The following SIK2 variants were observed in gnomAD, a reference collection of about 807,000 sequenced individuals.
The protein encoded by SIK2 is serine/threonine-protein kinase SIK2.
Under a neutral mutation model 103.2 loss-of-function variants are expected in SIK2, and 29 were observed. The ratio of observed to expected loss-of-function variants is 0.28; its 90% CI spans 0.21 to 0.38. The LOEUF (loss-of-function observed/expected upper bound fraction) is 0.38, where lower values mean the gene tolerates loss of function less well. Among genes scored for constraint, SIK2 ranks in the 10% least tolerant of loss-of-function variants. The pLI is 1.00. For synonymous variants in SIK2, 412 were observed against 446.1 expected, an observed-to-expected ratio of 0.92 and a Z score of 0.96; for missense variants, 879 against 1,171.0, an observed-to-expected ratio of 0.75 and a Z score of 3.64.
At chr11:111,608,780 A>G (rs1447498910) in intron 1 of SIK2, among the ~76,000 whole-genome samples, 1 of 152,124 alleles carries the variant, frequency 6.6e-6, no homozygotes, top group Non-Finnish European at 1.5e-5. Context: ...ATCTTTGTGC[A>G]TGTATCTAAT....
chr11:111,628,223 A>C (rs561328497), intron 3 of SIK2, among the ~76,000 whole-genome samples: 1 of 151,890 alleles, frequency 6.6e-6, no homozygotes, highest in Non-Finnish European at 1.5e-5. Context: ...TTATAAACCA[A>C]CCTTCCTTTC....
intron 3 of SIK2, among the ~76,000 whole-genome samples, chr11:111,674,916 T>C (rs1179000909): frequency 6.6e-6 from 1 of 152,148 alleles, no homozygotes; most frequent in Non-Finnish European, 1.5e-5. Flanking sequence ...CCAGCTAATG[T>C]TTGTATTTTT....
chr11:111,619,696 G>T (rs577044), intron 2 of SIK2, among the ~76,000 whole-genome samples: 92,747 of 152,074 alleles, frequency 0.61, 31,144 homozygotes, highest in East Asian at 0.96. Flanking sequence ...AAAATCAGAT[G>T]TATGACGATG....
At chr11:111,613,046 T>A (rs923845456) in intron 1 of SIK2, among the ~76,000 whole-genome samples, 6 of 151,386 alleles carry the variant, frequency 4.0e-5, no homozygotes, top group African/African-American at 1.5e-4. Flanking sequence ...AAATGTTAAA[T>A]GAGATTTATA....
At chr11:111,666,994 G>C (rs1360448006) in intron 3 of SIK2, among the ~76,000 whole-genome samples, 2 of 147,024 alleles carry the variant, frequency 1.4e-5, no homozygotes, top group Non-Finnish European at 3.0e-5. Flanking sequence ...TTGAGACAGA[G>C]TCTTTTTCTG....
chr11:111,638,659 T>C (rs35645843), intron 3 of SIK2, among the ~76,000 whole-genome samples: 4 of 152,114 alleles, frequency 2.6e-5, no homozygotes, highest in Non-Finnish European at 5.9e-5. Context: ...TATAGTCTCT[T>C]ATCTCTGGGA....
At position 111,638,046 on chromosome 11, in the gene SIK2, G is replaced by A. The variant is rs192556066; in HGVS notation, c.316+17644G>A. Among the ~76,000 whole-genome samples the A allele has an allele frequency of 3.3e-5, 5 of 152,260 alleles. 1 individual carries two copies. The highest frequency in any genetic ancestry group is 1.2e-4 in the African/African-American group (5 of 41,538). ...GTAGAAGGGATTTTTTCACTGCTAG[G>A]GTGATCTGACTGTGTTCTTATATTG... On this transcript the variant is annotated intron_variant, in intron 3 of 14. Transcript: ENST00000304987.
In SIK2 at chr11:111,729,920, T is replaced by C. The variant is rs1393160850; in HGVS notation, c.*5791T>C. ...GATGTCTAGTTTTTCCAAGTTACAA[T>C]ACAGCAGTTTCCTACAGAACACCCC... On this transcript the variant is annotated 3_prime_UTR_variant, in exon 15 of 15. Transcript: ENST00000304987. 1 of 152,194 alleles carries C rather than the reference T, an allele frequency of 6.6e-6. No individual in the cohort carries two copies. Among genetic ancestry groups the C allele is most frequent in the Non-Finnish European group, 1.5e-5 (1 of 68,058 alleles). The allele number at this position is 152,194 out of a possible 1,614,324, so 9.4% of individuals were successfully genotyped here.
chr11:111,723,499 C>G lies in SIK2; in HGVS notation c.2151C>G (p.Leu717=). Residue 717 remains leucine, a synonymous_variant, in exon 15 of 15, where the codon CTC becomes CTG. Transcript: ENST00000304987. ...SLEQQLQEHR[L]QQKRLFLQKQ... Reference sequence around the variant, plus strand: ...TCCTTTGATATTACCAATTTAGGCTCCAGCAGAAGCGACTCTTTCTTCAGA... The same window carrying G: ...TCCTTTGATATTACCAATTTAGGCTGCAGCAGAAGCGACTCTTTCTTCAGA... 6.3e-7 allele frequency: 1 copy of G among 1,595,124 alleles called. No homozygotes were observed. The highest frequency in any genetic ancestry group is 8.6e-7 in the Non-Finnish European group (1 of 1,169,096).
In SIK2 at chr11:111,604,578, A is replaced by T. The variant is rs558064621; in HGVS notation, c.135+1880A>T. ...CGTTTTAAACTAATATATCTTAAAGAGCTAGGGGGCACTATGGAGTAATAC... is the reference window on the plus strand; with the variant it reads ...CGTTTTAAACTAATATATCTTAAAGTGCTAGGGGGCACTATGGAGTAATAC... On this transcript the variant is annotated intron_variant, in intron 1 of 14. Coordinates refer to ENST00000304987, the MANE Select transcript of SIK2 (RefSeq NM_015191.3). Among the ~76,000 whole-genome samples, 41 of 152,290 alleles carry T rather than the reference A, an allele frequency of 2.7e-4. No individual in the cohort carries two copies. In the South Asian group the frequency reaches 7.0e-3, roughly 26 times the overall value.
chr11:111,704,016 A>G (rs1943278467), intron 7 of SIK2, among the ~76,000 whole-genome samples: 1 of 152,242 alleles, frequency 6.6e-6, no homozygotes, highest in Non-Finnish European at 1.5e-5. Context: ...TTACGATAGT[A>G]AAAAAGCAAA....
chr11:111,632,839 A>T (rs1942056847), intron 3 of SIK2, among the ~76,000 whole-genome samples: 1 of 152,166 alleles, frequency 6.6e-6, no homozygotes, highest in Admixed American at 6.5e-5. Flanking sequence ...AACAGTAAAG[A>T]ATAGAAACAG....
intron 1 of SIK2, among the ~76,000 whole-genome samples, chr11:111,613,648 T>G (rs1440532916): frequency 1.3e-5 from 2 of 152,190 alleles, no homozygotes; most frequent in African/African-American, 4.8e-5. Context: ...TATATAATAT[T>G]AATCGTTCTA....
intron 3 of SIK2, among the ~76,000 whole-genome samples, chr11:111,630,355 C>G (rs564086): frequency 0.6 from 91,880 of 151,922 alleles, 31,030 homozygotes; most frequent in East Asian, 0.96. Context: ...AGAGAACTAT[C>G]TTGGGTGATG....
chr11:111,608,262 T>A lies in SIK2; in HGVS notation c.135+5564T>A, dbSNP rs45516896. Among the ~76,000 whole-genome samples, 7 of 152,314 alleles carry A rather than the reference T, an allele frequency of 4.6e-5. No individual in the cohort carries two copies. The South Asian group carries it at 6.2e-4, about 14-fold the overall frequency. ...GGAAATTCCATCAGAAACTTCATTT[T>A]AAAAAAATTTTTAAATACTTTAAAC... On this transcript the variant is annotated intron_variant, in intron 1 of 14. Transcript: ENST00000304987.
chr11:111,704,648 G>A (rs529426956), intron 7 of SIK2, among the ~76,000 whole-genome samples: 3 of 152,274 alleles, frequency 2.0e-5, no homozygotes, highest in South Asian at 2.1e-4. Context: ...TTACACCACC[G>A]TTACAGCTAT....
At chr11:111,691,246 C>T (rs1942935748) in intron 4 of SIK2, among the ~76,000 whole-genome samples, 1 of 152,090 alleles carries the variant, frequency 6.6e-6, no homozygotes, top group South Asian at 2.1e-4. Flanking sequence ...TCTTCAAGCC[C>T]TTCTAATTAT....
chr11:111,663,925 T>A (rs1942500588), intron 3 of SIK2, among the ~76,000 whole-genome samples: 1 of 152,130 alleles, frequency 6.6e-6, no homozygotes, highest in East Asian at 1.9e-4. Flanking sequence ...TTGCCTGAGA[T>A]CATACAGCCA....
intron 3 of SIK2, chr11:111,671,596 C>T: frequency 3.0e-6 from 1 of 332,720 alleles, no homozygotes; most frequent in South Asian, 2.9e-5. Flanking sequence ...ATACTGGGCA[C>T]AGACCTTGGT....
Sources: allele counts gnomAD v4.1 joint callset (sites outside exome capture counted in the v4.1 genomes callset), GRCh38; gene constraint gnomAD v4.1.1; transcripts MANE v1.5; gene names NCBI Gene and HGNC (gene_info 2026-07-23, HGNC 2026-07-21).